TENM2: variants seen among roughly 807,000 people sequenced by gnomAD.
The protein encoded by TENM2 is teneurin transmembrane protein 2, also known as teneurin-2.
TENM2 carries 52 observed loss-of-function variants against 245.2 expected under a neutral mutation model. The ratio of observed to expected loss-of-function variants is 0.21; its 90% CI spans 0.17 to 0.27. The LOEUF (loss-of-function observed/expected upper bound fraction) is 0.27. TENM2 is among the 10% of genes least tolerant of loss of function. The pLI is 1.00. For missense variants in TENM2, 3,046 were observed against 3,666.8 expected (o/e 0.83, Z 4.37); for synonymous variants, 1,363 against 1,438.9 (o/e 0.95, Z 1.19).
At chr5:168,211,689 G>T (rs1319579704) in intron 19 of TENM2, 45 bp from the exon 22 acceptor site, 1 of 1,198,370 alleles carries the variant, frequency 8.3e-7, no homozygotes, top group South Asian at 1.4e-5. Context: ...CAATTCTTCT[G>T]CTAACTGTTT....
chr5:167,807,382 G>A lies in TENM2; in HGVS notation c.503-68604G>A, dbSNP rs186153923. Among the ~76,000 whole-genome samples the A allele has an allele frequency of 3.4e-3, 513 of 152,080 alleles. 7 individuals carry two copies. Among genetic ancestry groups the A allele is most frequent in the Non-Finnish European group, 4.6e-3 (310 of 67,996 alleles). On this transcript the variant is annotated intron_variant, in intron 2 of 28. Transcript: ENST00000518659. ...CTAATAGGCTAAGCCTAAGGATGGG[G>A]CCATTCACCTTGCCCACTACATAGC...
At chr5:167,600,289 T>C (rs1275511969) in intron 2 of TENM2, among the ~76,000 whole-genome samples, 4 of 151,976 alleles carry the variant, frequency 2.6e-5, no homozygotes, top group Non-Finnish European at 5.9e-5. Flanking sequence ...GTTTATGAAA[T>C]TAAAGAAGAT....
At chr5:167,347,675 A>AT (rs969397324) in intron 1 of TENM2, among the ~76,000 whole-genome samples, 15 of 150,834 alleles carry the variant, frequency 9.9e-5, no homozygotes, top group Non-Finnish European at 1.9e-4. Context: ...TTCCTACTTT[A>AT]TTTTTTTATC....
chr5:168,064,891 C>T (rs1203695431), intron 7 of TENM2, among the ~76,000 whole-genome samples: 7 of 152,158 alleles, frequency 4.6e-5, no homozygotes, highest in South Asian at 2.1e-4. Context: ...AAAAAGACTC[C>T]GTATGTATTC....
intron 2 of TENM2, among the ~76,000 whole-genome samples, chr5:167,560,427 C>G (rs1268985535): frequency 2.0e-5 from 3 of 151,860 alleles, no homozygotes; most frequent in African/African-American, 7.3e-5. Context: ...GGTACTTGAT[C>G]AACTCCTGAA....
chr5:167,866,845 G>A (rs535866948), intron 2 of TENM2, among the ~76,000 whole-genome samples: 6 of 152,300 alleles, frequency 3.9e-5, no homozygotes, highest in Admixed American at 6.5e-5. Flanking sequence ...GCCACTAGCC[G>A]GATGTGGCTA....
At chr5:166,991,834 A>T in the TENM2 span, among the ~76,000 whole-genome samples, 1 of 152,216 alleles carries the variant, frequency 6.6e-6, no homozygotes. Flanking sequence ...TGGAAAACAA[A>T]TGGACCTATT....
intron 1 of TENM2, among the ~76,000 whole-genome samples, chr5:167,302,737 C>A (rs1755416661): frequency 6.6e-6 from 1 of 151,928 alleles, no homozygotes; most frequent in Non-Finnish European, 1.5e-5. Flanking sequence ...TCTTACTGCC[C>A]AGAAAAGCGG....
chr5:167,719,050 C>CT (rs1284499815), intron 2 of TENM2, among the ~76,000 whole-genome samples: 5 of 152,014 alleles, frequency 3.3e-5, no homozygotes, highest in African/African-American at 9.7e-5. Flanking sequence ...GTTAATAATG[C>CT]TTTTTTTAGG....
chr5:167,824,078 C>T (rs561018970), intron 2 of TENM2, among the ~76,000 whole-genome samples: 4 of 152,330 alleles, frequency 2.6e-5, no homozygotes, highest in South Asian at 4.1e-4. Flanking sequence ...CTCAGCCCTG[C>T]GTACTGTCCT....
At chr5:167,181,363 T>C in the TENM2 span, among the ~76,000 whole-genome samples, 534 of 152,190 alleles carry the variant, frequency 3.5e-3, 6 homozygotes, top group African/African-American at 0.012. Flanking sequence ...CGCCTTTTCC[T>C]TCTTTCTCTT....
chr5:167,704,830 G>A (rs531861822), intron 2 of TENM2, among the ~76,000 whole-genome samples: 1 of 151,796 alleles, frequency 6.6e-6, no homozygotes, highest in South Asian at 2.1e-4. Context: ...GAAATATGAT[G>A]TCTTCGAGGC....
the TENM2 span, among the ~76,000 whole-genome samples, chr5:167,191,044 A>G: frequency 2.0e-5 from 3 of 152,034 alleles, no homozygotes; most frequent in Admixed American, 2.0e-4. Flanking sequence ...TAGTACATCA[A>G]TTAATGGTGC....
chr5:167,298,570 C>G (rs528778283), intron 1 of TENM2, among the ~76,000 whole-genome samples: 6 of 152,176 alleles, frequency 3.9e-5, no homozygotes, highest in Admixed American at 1.3e-4. Flanking sequence ...TGCCACTGCA[C>G]TCCAGCCTGG....
chr5:167,686,851 GC>G (rs1168763744), intron 2 of TENM2, among the ~76,000 whole-genome samples: 3 of 152,260 alleles, frequency 2.0e-5, no homozygotes, highest in African/African-American at 7.2e-5. Flanking sequence ...TTAGGTTGAT[GC>G]AAAAGTAATT....
chr5:167,751,738 A>G (rs1761970586), intron 2 of TENM2, among the ~76,000 whole-genome samples: 1 of 151,576 alleles, frequency 6.6e-6, no homozygotes, highest in South Asian at 2.1e-4. Context: ...GGTTTTTTTT[A>G]AGCTTCACAT....
chr5:167,521,892 A>C (rs886560879), intron 2 of TENM2, among the ~76,000 whole-genome samples: 2 of 152,120 alleles, frequency 1.3e-5, no homozygotes, highest in East Asian at 3.8e-4. Flanking sequence ...TTCTCTCTCT[A>C]TCTTTCTCTT....
At chr5:168,027,544 C>T (rs1026310926) in intron 5 of TENM2, among the ~76,000 whole-genome samples, 1 of 152,158 alleles carries the variant, frequency 6.6e-6, no homozygotes, top group African/African-American at 2.4e-5. Context: ...GTGTTTTTGC[C>T]TCTAGCTTTC....
chr5:167,269,249 A>AT, the TENM2 span, among the ~76,000 whole-genome samples: 6 of 151,928 alleles, frequency 3.9e-5, no homozygotes, highest in African/African-American at 1.2e-4. Flanking sequence ...CCTTTTAAAC[A>AT]TTTTTCCCAT....
Sources: gnomAD v4.1 joint callset for allele counts (sites outside exome capture counted in the v4.1 genomes callset) on GRCh38, gnomAD v4.1.1 for gene constraint, MANE v1.5 for transcripts, NCBI Gene and HGNC (gene_info 2026-07-23, HGNC 2026-07-21) for gene names.